The following DNM1L variants were observed in gnomAD, a reference collection of about 807,000 sequenced individuals.
DNM1L encodes the protein dynamin 1L.
Under a neutral mutation model 92.8 loss-of-function variants are expected in DNM1L, and 33 were observed. The ratio of observed to expected loss-of-function variants is 0.36; its 90% CI spans 0.27 to 0.48. DNM1L has a LOEUF of 0.48. Among genes scored for constraint, DNM1L ranks in the 20% least tolerant of loss-of-function variants. The pLI, the probability that DNM1L is intolerant of heterozygous loss-of-function variation, is 0.99. For missense variants in DNM1L, 485 were observed against 888.8 expected (o/e 0.55, Z 5.78); for synonymous variants, 284 against 305.0 (o/e 0.93, Z 0.72).
intron 9 of DNM1L, among the ~76,000 whole-genome samples, chr12:32,730,440 C>T (rs546860788): frequency 2.0e-5 from 3 of 151,900 alleles, no homozygotes; most frequent in South Asian, 2.1e-4. Flanking sequence ...GGGTGGCTCA[C>T]GCCTGTGATC....
intron 1 of DNM1L, among the ~76,000 whole-genome samples, chr12:32,687,010 A>ATCCG (rs1192254510): frequency 2.4e-4 from 33 of 137,210 alleles, no homozygotes; most frequent in African/African-American, 8.7e-4. Context: ...TGAACTCCTG[A>ATCCG]CCTCAGGTGA....
intron 5 of DNM1L, chr12:32,711,252 C>A: frequency 2.1e-6 from 1 of 465,560 alleles, no homozygotes; most frequent in Middle Eastern, 6.3e-4. Flanking sequence ...TGTTTCTTCT[C>A]ATCTCCCCAA....
chr12:32,690,455 G>C (rs73082818), intron 1 of DNM1L, among the ~76,000 whole-genome samples: 2,634 of 152,200 alleles, frequency 0.017, 42 homozygotes, highest in Middle Eastern at 0.054. Flanking sequence ...ATTGCTCCCA[G>C]TTGCCTTCCC....
intron 7 of DNM1L, 42 bp from the exon 8 acceptor site, chr12:32,720,622 C>T (rs1474656912): frequency 6.2e-7 from 1 of 1,612,782 alleles, no homozygotes; most frequent in African/African-American, 1.3e-5. Flanking sequence ...AGGAAGAGGA[C>T]AACAGTTAAG....
intron 6 of DNM1L, among the ~76,000 whole-genome samples, chr12:32,717,943 A>T (rs1253199645): frequency 4.0e-4 from 39 of 96,326 alleles, no homozygotes; most frequent in Non-Finnish European, 6.8e-4. Context: ...TATATATATA[A>T]AATATAGTAT....
At chr12:32,704,387 T>G (rs1952834997) in intron 2 of DNM1L, among the ~76,000 whole-genome samples, 1 of 151,792 alleles carries the variant, frequency 6.6e-6, no homozygotes, top group African/African-American at 2.4e-5. Context: ...CCATCTCTAC[T>G]AAAAATACAA....
intron 1 of DNM1L, among the ~76,000 whole-genome samples, chr12:32,697,983 A>ATT (rs201116273): frequency 3.8e-4 from 56 of 147,786 alleles, no homozygotes; most frequent in Middle Eastern, 3.5e-3. Flanking sequence ...AGAGAATTTG[A>ATT]TTTTTTTTTT....
At chr12:32,709,850 C>G (rs1278466736) in intron 4 of DNM1L, among the ~76,000 whole-genome samples, 1 of 151,934 alleles carries the variant, frequency 6.6e-6, no homozygotes, top group East Asian at 1.9e-4. Context: ...CTTTGGAACA[C>G]TGGAGTATTT....
chr12:32,719,808 T>G (rs1350188799), intron 7 of DNM1L, among the ~76,000 whole-genome samples: 2 of 152,184 alleles, frequency 1.3e-5, no homozygotes, highest in African/African-American at 4.8e-5. Flanking sequence ...CAGCATCCCC[T>G]GAGGTAGGTG....
rs1955526538 is a variant in DNM1L at position 32,744,635 on chromosome 12, C to G, written c.*1225C>G. 6.8e-6 allele frequency: 2 copies of G among 294,118 alleles called. No homozygotes were observed. The highest frequency in any genetic ancestry group is 1.3e-5 in the Non-Finnish European group (2 of 153,132). 18.2% of individuals were successfully genotyped at this position (294,118 alleles called of 1,614,324 possible). On this transcript the variant is annotated 3_prime_UTR_variant, in exon 20 of 20. Transcript: ENST00000549701. ...GGGTGAGGCAGGAGAATTGCTTGACCCTGGGAGGTGGAGGTTGTGGTGAGC... is the reference window on the plus strand; with the variant it reads ...GGGTGAGGCAGGAGAATTGCTTGACGCTGGGAGGTGGAGGTTGTGGTGAGC...
intron 14 of DNM1L, 81 bp from the exon 15 acceptor site, chr12:32,737,784 G>T (rs1369128566): frequency 2.6e-5 from 28 of 1,061,312 alleles, no homozygotes; most frequent in Non-Finnish European, 4.0e-5. Flanking sequence ...ATTACAGAAG[G>T]GAAAAATTCA....
intron 2 of DNM1L, chr12:32,706,114 A>G (rs1670275108): frequency 5.2e-6 from 2 of 381,566 alleles, no homozygotes; most frequent in South Asian, 1.1e-4. Context: ...CTTTTTAAAT[A>G]TAATAAGATA....
At chr12:32,701,667 A>C in intron 2 of DNM1L, 105 bp downstream of exon 2, 1 of 1,050,920 alleles carries the variant, frequency 9.5e-7, no homozygotes, top group East Asian at 2.5e-5. Context: ...ACTGTAGCAT[A>C]GTTAGAAGTC....
intron 2 of DNM1L, among the ~76,000 whole-genome samples, chr12:32,704,616 G>T (rs2137320676): frequency 6.6e-6 from 1 of 151,520 alleles, no homozygotes; most frequent in East Asian, 1.9e-4. Context: ...GGTATAATTT[G>T]AAATTTTACC....
In DNM1L at chr12:32,731,784, G is replaced by A; in HGVS notation, c.1357-70G>A. On this transcript the variant is annotated intron_variant, in intron 11 of 19. Transcript: ENST00000549701. This position sits in a 1 kb window ranked among gnomAD's most constrained non-coding sequence, Gnocchi z 5.1. ...CTTGGGAGGCTAAGGTGGGAGGATGGCTTAGTGAGACTATGACTTAAAAAA... is the reference window on the plus strand; with the variant it reads ...CTTGGGAGGCTAAGGTGGGAGGATGACTTAGTGAGACTATGACTTAAAAAA... 1.5e-6 allele frequency: 2 copies of A among 1,316,776 alleles called. No individual in the cohort carries two copies. The highest frequency in any genetic ancestry group is 2.2e-6 in the Non-Finnish European group (2 of 916,554). The allele number at this position is 1,316,776 out of a possible 1,614,324, so 81.6% of individuals were successfully genotyped here. A position where few individuals can be genotyped will look rare whatever the true frequency, so the allele number is the denominator to read the frequency against.
rs758547863 is a variant in DNM1L, at chr12:32,744,936, T to C, written c.*1526T>C. 49 of 518,604 alleles carry C rather than the reference T, an allele frequency of 9.4e-5. 2 individuals carry two copies. In the Middle Eastern group the frequency reaches 3.2e-3, roughly 34 times the overall value. The allele number at this position is 518,604 out of a possible 1,614,324, so 32.1% of individuals were successfully genotyped here. A position where few individuals can be genotyped will look rare whatever the true frequency, so the allele number is the denominator to read the frequency against. On this transcript the variant is annotated 3_prime_UTR_variant, in exon 20 of 20. Coordinates refer to ENST00000549701, the MANE Select transcript of DNM1L (RefSeq NM_012062.5). Reference sequence around the variant, plus strand: ...GTCTCTAATAGACAACACATTTATATTGCAGATATTACTTTTTTTTCAGTT... The same window carrying C: ...GTCTCTAATAGACAACACATTTATACTGCAGATATTACTTTTTTTTCAGTT...
chr12:32,733,619 C>T lies in DNM1L; in HGVS notation c.1447-96C>T, dbSNP rs971873890. The T allele has an allele frequency of 7.8e-5, 75 of 959,206 alleles. 1 individual carries two copies. The East Asian group carries it at 1.0e-3, about 13-fold the overall frequency. 59.4% of individuals were successfully genotyped at this position (959,206 alleles called of 1,614,324 possible). A position where few individuals can be genotyped will look rare whatever the true frequency, so the allele number is the denominator to read the frequency against. On this transcript the variant is annotated intron_variant, in intron 12 of 19. Transcript: ENST00000549701. Reference sequence around the variant, plus strand: ...TAGGCATAAGTTTCCTGTACTTTTTCGGTATTGTCTGTTTCATAAGTTTTA... The same window carrying T: ...TAGGCATAAGTTTCCTGTACTTTTTTGGTATTGTCTGTTTCATAAGTTTTA...
intron 1 of DNM1L, among the ~76,000 whole-genome samples, chr12:32,681,569 C>A (rs1224173429): frequency 7.0e-6 from 1 of 143,584 alleles, no homozygotes; most frequent in Non-Finnish European, 1.5e-5. Context: ...CACACCGCCC[C>A]CCCCGCCCCT....
At chr12:32,691,937 A>G (rs1325726396) in intron 1 of DNM1L, among the ~76,000 whole-genome samples, 2 of 152,134 alleles carry the variant, frequency 1.3e-5, no homozygotes, top group Non-Finnish European at 2.9e-5. Context: ...AAAGAATACT[A>G]CAAGCTTCTA....
Sources: allele counts gnomAD v4.1 joint callset (sites outside exome capture counted in the v4.1 genomes callset), GRCh38; gene constraint gnomAD v4.1.1; non-coding constraint Gnocchi (gnomAD v3.1); transcripts MANE v1.5; gene names NCBI Gene and HGNC (gene_info 2026-07-23, HGNC 2026-07-21).